Variants in PLET1 observed in about 807,000 individuals in gnomAD.
PLET1 encodes placenta expressed transcript 1.
In PLET1, 20 loss-of-function variants were observed where a neutral mutation model predicts 18.5. The observed-to-expected ratio is 1.08, with a 90% confidence interval of 0.76 to 1.57. PLET1 has a LOEUF of 1.57. PLET1 is among the 40% of genes most tolerant of loss of function. PLET1 has a pLI of 0.00. For missense variants in PLET1, 256 were observed against 246.4 expected, an observed-to-expected ratio of 1.04 and a Z score of -0.26; for synonymous variants, 93 against 93.8, an observed-to-expected ratio of 0.99 and a Z score of 0.05.
chr11:112,258,277 CTTTCT>C (rs1208103152), intron 1 of PLET1, among the ~76,000 whole-genome samples: 69 of 128,442 alleles, frequency 5.4e-4, no homozygotes, highest in East Asian at 5.3e-3. Flanking sequence ...AGATTTCTTT[CTTTCT>C]TTTTTTTTTT....
At chr11:112,257,327 T>C (rs958232560) in intron 1 of PLET1, among the ~76,000 whole-genome samples, 5 of 151,376 alleles carry the variant, frequency 3.3e-5, no homozygotes, top group Non-Finnish European at 5.9e-5. Context: ...ACAGCTTGCT[T>C]ATGTCCCACC....
chr11:112,255,213 A>G (rs1860212937), intron 2 of PLET1, among the ~76,000 whole-genome samples, 175 bp downstream of exon 2: 1 of 150,056 alleles, frequency 6.7e-6, no homozygotes, highest in Admixed American at 6.9e-5. Flanking sequence ...GTGTGTCTGC[A>G]AGCGCCTATA....
chr11:112,259,757 G>T (rs1379289056), intron 1 of PLET1, among the ~76,000 whole-genome samples: 2 of 152,134 alleles, frequency 1.3e-5, no homozygotes, highest in African/African-American at 4.8e-5. Context: ...CACACTGGAG[G>T]CTGGGTACAG....
At chr11:112,253,721 A>G (rs1335184225) in intron 2 of PLET1, among the ~76,000 whole-genome samples, 6 of 152,216 alleles carry the variant, frequency 3.9e-5, no homozygotes, top group Non-Finnish European at 7.3e-5. Context: ...TGTGGGCACA[A>G]TAGTCCCTCC....
At chr11:112,253,392 T>C (rs1490400595) in intron 2 of PLET1, among the ~76,000 whole-genome samples, 1 of 152,106 alleles carries the variant, frequency 6.6e-6, no homozygotes. Flanking sequence ...AATATGTGGC[T>C]CCACTCCCCT....
Position 112,255,522 on chromosome 11 carries a change from T to C in PLET1, c.252A>G (p.Ser84=). ...TATCCGCTCTTTGCCAGAGGCCCGC[T>C]GAGTCACTGTTCTCGTCCAAGGTTT... The part of the protein sequence containing the change: ...VMKTLDENSD[S]AGLWQRADKN... The change falls in exon 2 of 4, where the codon TCA becomes TCG. Residue 84 remains serine (S), a synonymous_variant. Transcript: ENST00000338832. 1 of 1,551,722 alleles carries C rather than the reference T, an allele frequency of 6.4e-7. No individual in the cohort carries two copies. Among genetic ancestry groups the C allele is most frequent in the Non-Finnish European group, 8.7e-7 (1 of 1,146,886 alleles).
chr11:112,249,961 A>AT (rs1336338184), intron 3 of PLET1, among the ~76,000 whole-genome samples: 6 of 96,406 alleles, frequency 6.2e-5, no homozygotes, highest in Admixed American at 1.2e-4. Context: ...TGTCTCAAAA[A>AT]TTAAAAAAAA....
At chr11:112,258,592 C>G (rs1860250802) in intron 1 of PLET1, among the ~76,000 whole-genome samples, 4 of 152,190 alleles carry the variant, frequency 2.6e-5, no homozygotes, top group Admixed American at 2.6e-4. Context: ...TGATAGATTT[C>G]TCTTTCCTCC....
chr11:112,253,293 A>C (rs1860173987), intron 2 of PLET1, among the ~76,000 whole-genome samples: 1 of 151,716 alleles, frequency 6.6e-6, no homozygotes, highest in Admixed American at 6.6e-5. Flanking sequence ...CCCTAACCTC[A>C]TTGTAACATT....
Position 112,248,525 on chromosome 11 carries a change from A to G in PLET1, c.*274T>C, listed in dbSNP as rs1860123181. On this transcript the variant is annotated 3_prime_UTR_variant, in exon 4 of 4. Transcript: ENST00000338832. Reference sequence around the variant, plus strand: ...AATTGGCTGCCAACCTGTTCAACCAATAGGGAGAACCTAGGTGACTAAGTT... The same window carrying G: ...AATTGGCTGCCAACCTGTTCAACCAGTAGGGAGAACCTAGGTGACTAAGTT... 2.0e-5 allele frequency: 9 copies of G among 444,412 alleles called. No homozygotes were observed. The highest frequency in any genetic ancestry group is 3.2e-5 in the Non-Finnish European group (8 of 253,402). The allele number at this position is 444,412 out of a possible 1,614,324, so 27.5% of individuals were successfully genotyped here. A position where few individuals can be genotyped will look rare whatever the true frequency, so the allele number is the denominator to read the frequency against.
At chr11:112,258,208 C>T (rs187315253) in intron 1 of PLET1, among the ~76,000 whole-genome samples, 21 of 152,036 alleles carry the variant, frequency 1.4e-4, no homozygotes, top group East Asian at 5.8e-4. Context: ...CATCTTTCTC[C>T]TGTCTTTCTG....
chr11:112,252,309 T>G (rs1860164590), intron 3 of PLET1, 39 bp downstream of exon 3: 1 of 1,516,582 alleles, frequency 6.6e-7, no homozygotes, highest in African/African-American at 1.4e-5. Context: ...CTGACTGAGT[T>G]CATTGCAAGA....
chr11:112,259,339 C>T (rs973865666), intron 1 of PLET1, among the ~76,000 whole-genome samples: 4 of 152,190 alleles, frequency 2.6e-5, no homozygotes, highest in Non-Finnish European at 5.9e-5. Context: ...CTCTGTTTCT[C>T]ATCTACAAAA....
chr11:112,253,053 G>T (rs2135416958), intron 2 of PLET1, among the ~76,000 whole-genome samples: 1 of 152,262 alleles, frequency 6.6e-6, no homozygotes, highest in Admixed American at 6.5e-5. Context: ...GACAGGCCTG[G>T]TTTTCATCCT....
intron 3 of PLET1, among the ~76,000 whole-genome samples, chr11:112,251,542 T>A (rs951211017): frequency 3.0e-4 from 46 of 152,148 alleles, no homozygotes; most frequent in African/African-American, 1.1e-3. Flanking sequence ...ACTACTGCAC[T>A]CCAGCCTGGG....
rs780278615 is a variant in PLET1, at chr11:112,248,179, A to C, written c.*620T>G. 6.6e-6 allele frequency among the ~76,000 whole-genome samples: 1 copy of C among 152,224 alleles called. No homozygotes were observed. Among genetic ancestry groups the C allele is most frequent in the East Asian group, 1.9e-4 (1 of 5,206 alleles). ...CACATTCATTATTCTTGTTTAAAGTATAATTTATTTGTTGTGACAAAAATG... is the reference window on the plus strand; with the variant it reads ...CACATTCATTATTCTTGTTTAAAGTCTAATTTATTTGTTGTGACAAAAATG... On this transcript the variant is annotated 3_prime_UTR_variant, in exon 4 of 4. Transcript: ENST00000338832.
intron 3 of PLET1, 87 bp from the exon 4 acceptor site, chr11:112,249,061 G>C: frequency 1.6e-6 from 2 of 1,216,716 alleles, no homozygotes; most frequent in East Asian, 2.6e-5. Context: ...GAGAAAGGAG[G>C]GTAATCTGAT....
chr11:112,252,649 GC>G (rs2135416818), intron 2 of PLET1, among the ~76,000 whole-genome samples: 2 of 152,148 alleles, frequency 1.3e-5, no homozygotes, highest in South Asian at 4.2e-4. Flanking sequence ...CACCCTGACT[GC>G]CCACAGGCTG....
In PLET1 at chr11:112,255,247, G is replaced by A. The variant is rs913459562; in HGVS notation, c.386+141C>T. 18 of 827,206 alleles carry A rather than the reference G, an allele frequency of 2.2e-5. No homozygotes were observed. The African/African-American group carries it at 2.5e-4, about 12-fold the overall frequency. The allele number at this position is 827,206 out of a possible 1,614,324, so 51.2% of individuals were successfully genotyped here. ...TAGATGGAAGGGATGGTAGAGCACTGTGAGACGGTAATGAAGTGCGACTGC... is the reference window on the plus strand; with the variant it reads ...TAGATGGAAGGGATGGTAGAGCACTATGAGACGGTAATGAAGTGCGACTGC... On this transcript the variant is annotated intron_variant, in intron 2 of 3. Coordinates refer to ENST00000338832, the MANE Select transcript of PLET1 (RefSeq NM_001145024.1).
Sources: allele counts gnomAD v4.1 joint callset (sites outside exome capture counted in the v4.1 genomes callset), GRCh38; gene constraint gnomAD v4.1.1; transcripts MANE v1.5; gene names NCBI Gene and HGNC (gene_info 2026-07-23, HGNC 2026-07-21).